Variants in COBL observed in about 807,000 individuals in gnomAD.
The protein encoded by COBL is cordon-bleu WH2 repeat protein.
In COBL, 51 loss-of-function variants were observed where a neutral mutation model predicts 98.8. That is an observed-to-expected ratio of 0.52 (90% CI 0.41 to 0.65). The LOEUF (loss-of-function observed/expected upper bound fraction) is 0.65. Among genes scored for constraint, COBL ranks in the 30% least tolerant of loss-of-function variants. The pLI is 0.00. For synonymous variants in COBL, 634 were observed against 651.7 expected (o/e 0.97, Z 0.41); for missense variants, 1,617 against 1,617.5 (o/e 1.00, Z 0.01).
chr7:51,259,682 T>C (rs1487238693), intron 1 of COBL: 1 of 737,918 alleles, frequency 1.4e-6, no homozygotes, highest in Non-Finnish European at 2.5e-6. Context: ...AGGGATGGTC[T>C]TATTCTTGAC....
intron 5 of COBL, among the ~76,000 whole-genome samples, chr7:51,166,639 T>C (rs1036306579): frequency 1.3e-5 from 2 of 151,818 alleles, no homozygotes; most frequent in Non-Finnish European, 2.9e-5. Context: ...AACCAGACAA[T>C]GACACATCAA....
chr7:51,302,307 C>A (rs111697763), intron 1 of COBL, among the ~76,000 whole-genome samples: 1 of 152,006 alleles, frequency 6.6e-6, no homozygotes, highest in Non-Finnish European at 1.5e-5. Context: ...CTGGACTGGG[C>A]GCAGTGGCTC....
In COBL at chr7:51,029,243, A is replaced by T. The variant is rs781774439; in HGVS notation, c.1853T>A (p.Ile618Asn). ...GKGIRVALSN[I>N]SKDGNLMETA... ...TTCCATTAGATTCCCATCTTTAGAG[A>T]TGTTAGATAAGGCCACACGGATTCC... The change falls in exon 10 of 13, where the codon ATC becomes AAC. Residue 618 changes from isoleucine (I) to asparagine (N), a missense_variant. Transcript: ENST00000265136. 1 of 1,613,568 alleles carries T rather than the reference A, an allele frequency of 6.2e-7. No homozygotes were observed. Among genetic ancestry groups the T allele is most frequent in the South Asian group, 1.1e-5 (1 of 91,012 alleles).
At chr7:51,286,700 A>C (rs1209792614) in intron 1 of COBL, among the ~76,000 whole-genome samples, 1 of 152,230 alleles carries the variant, frequency 6.6e-6, no homozygotes, top group African/African-American at 2.4e-5. Flanking sequence ...AGTAGTTTAG[A>C]GATTTCTCAA....
chr7:51,251,993 C>T (rs1049019894), intron 1 of COBL, among the ~76,000 whole-genome samples: 1 of 152,146 alleles, frequency 6.6e-6, no homozygotes, highest in Admixed American at 6.5e-5. Context: ...AGCTCAATAC[C>T]TTTATCACAG....
intron 1 of COBL, 96 bp from the exon 2 acceptor site, chr7:51,220,040 G>A (rs2129088441): frequency 8.4e-7 from 1 of 1,183,530 alleles, no homozygotes; most frequent in South Asian, 1.6e-5. Flanking sequence ...CTGTCTTCAG[G>A]AGCACCTTCC....
chr7:51,147,338 C>T (rs1315737000), intron 5 of COBL, among the ~76,000 whole-genome samples: 1 of 152,198 alleles, frequency 6.6e-6, no homozygotes, highest in Non-Finnish European at 1.5e-5. Flanking sequence ...AGAAATAGCA[C>T]TTGAACATAA....
chr7:51,208,237 C>G (rs1229655214), intron 2 of COBL, among the ~76,000 whole-genome samples: 2 of 151,476 alleles, frequency 1.3e-5, no homozygotes, highest in African/African-American at 4.9e-5. Context: ...CGCCCGGCAG[C>G]CGCCCCGTCT....
At chr7:51,173,836 T>C (rs1788109205) in intron 5 of COBL, among the ~76,000 whole-genome samples, 1 of 152,220 alleles carries the variant, frequency 6.6e-6, no homozygotes, top group Non-Finnish European at 1.5e-5. Context: ...AAAAAAGATA[T>C]TTGCTATCCT....
intron 1 of COBL, among the ~76,000 whole-genome samples, chr7:51,254,037 A>C (rs1222561787): frequency 6.6e-6 from 1 of 151,774 alleles, no homozygotes; most frequent in Non-Finnish European, 1.5e-5. Context: ...TGGATACCTC[A>C]TTCCCACACA....
chr7:51,124,851 C>T (rs766499602), intron 6 of COBL, among the ~76,000 whole-genome samples: 3 of 152,078 alleles, frequency 2.0e-5, no homozygotes, highest in Non-Finnish European at 4.4e-5. Flanking sequence ...GACAGAGTCT[C>T]ACTCTATTGC....
chr7:51,112,299 G>A (rs930118710), intron 6 of COBL, among the ~76,000 whole-genome samples: 1 of 152,072 alleles, frequency 6.6e-6, no homozygotes, highest in African/African-American at 2.4e-5. Context: ...GTGTCCTGTG[G>A]ATTATTTTTA....
At chr7:51,156,317 G>A (rs1786127036) in intron 5 of COBL, 2 of 985,064 alleles carry the variant, frequency 2.0e-6, no homozygotes, top group African/African-American at 3.5e-5. Context: ...CCAGACAGTA[G>A]TTATTCTTGT....
At chr7:51,195,848 T>C (rs1790540258) in intron 2 of COBL, among the ~76,000 whole-genome samples, 1 of 152,222 alleles carries the variant, frequency 6.6e-6, no homozygotes, top group Admixed American at 6.5e-5. Context: ...ATCGATTTTG[T>C]ATACTGAGAC....
chr7:51,043,421 G>C lies in COBL; in HGVS notation c.1368C>G (p.Pro456=). 6.2e-7 allele frequency: 1 copy of C among 1,614,204 alleles called. No homozygotes were observed. The highest frequency in any genetic ancestry group is 8.5e-7 in the Non-Finnish European group (1 of 1,180,020). ...TCTCAGAGCCATTCTTCTCCCACAA[G>C]GGGCTCTTCTGGGGACCCAGGTCTG... ...GTPDLGPQKS[P]LWEKNGSENS... is the part of the protein sequence containing the mutation. Residue 456 remains proline, a synonymous_variant, in exon 8 of 13, where the codon CCC becomes CCG. Coordinates refer to ENST00000265136, the MANE Select transcript of COBL (RefSeq NM_015198.5).
chr7:51,058,112 C>T (rs1404395557), intron 7 of COBL, among the ~76,000 whole-genome samples: 1 of 148,508 alleles, frequency 6.7e-6, no homozygotes, highest in Admixed American at 6.7e-5. Flanking sequence ...TTTTGGTAAT[C>T]TTTTTTTTTT....
chr7:51,110,140 T>G (rs1333852244), intron 6 of COBL, among the ~76,000 whole-genome samples: 1 of 152,192 alleles, frequency 6.6e-6, no homozygotes, highest in Non-Finnish European at 1.5e-5. Flanking sequence ...TCTTTTCTAT[T>G]TCAAACTATA....
chr7:51,292,066 G>C (rs921733469), intron 1 of COBL, among the ~76,000 whole-genome samples: 14 of 151,254 alleles, frequency 9.3e-5, no homozygotes, highest in Admixed American at 2.6e-4. Context: ...AGAATCTCTT[G>C]AACCCAGGAG....
intron 2 of COBL, among the ~76,000 whole-genome samples, chr7:51,215,831 C>T (rs1792979440): frequency 6.6e-6 from 1 of 152,222 alleles, no homozygotes; most frequent in South Asian, 2.1e-4. Flanking sequence ...GGGTCCCTCC[C>T]AGCCTCCCTT....
Sources: gnomAD v4.1 joint callset for allele counts (sites outside exome capture counted in the v4.1 genomes callset) on GRCh38, gnomAD v4.1.1 for gene constraint, MANE v1.5 for transcripts, NCBI Gene and HGNC (gene_info 2026-07-23, HGNC 2026-07-21) for gene names.